Variants in MMP26 observed in about 807,000 individuals in gnomAD.
MMP26 encodes the protein matrix metallopeptidase 26.
MMP26 carries 33 observed loss-of-function variants against 31.0 expected under a neutral mutation model. The ratio of observed to expected loss-of-function variants is 1.06; its 90% confidence interval spans 0.81 to 1.42. The LOEUF is 1.42. Among genes scored for constraint, MMP26 ranks in the 40% most tolerant of loss-of-function variants. The pLI is 0.00. For missense variants in MMP26, 347 were observed against 316.1 expected, an observed-to-expected ratio of 1.10 and a Z score of -0.74; for synonymous variants, 122 against 114.9, an observed-to-expected ratio of 1.06 and a Z score of -0.40.
At chr11:4,950,996 C>T (rs986148915) in intron 2 of MMP26, among the ~76,000 whole-genome samples, 1 of 123,702 alleles carries the variant, frequency 8.1e-6, no homozygotes, top group Non-Finnish European at 1.8e-5. Context: ...TACATAAATA[C>T]CTACCCTATG....
chr11:4,822,180 C>T, intron 2 of MMP26: 1 of 1,606,338 alleles, frequency 6.2e-7, no homozygotes, highest in South Asian at 1.1e-5. Flanking sequence ...TTTCCATCTT[C>T]TACCTCCCTC....
At position 4,812,967 on chromosome 11, in the gene MMP26, A is replaced by G. The variant is rs572949610; in HGVS notation, c.-145+45626A>G. Among the ~76,000 whole-genome samples, 30 of 150,758 alleles carry G rather than the reference A, an allele frequency of 2.0e-4. No individual in the cohort carries two copies. In the South Asian group the frequency reaches 3.8e-3, roughly 19 times the overall value. On this transcript the variant is annotated intron_variant, in intron 2 of 7. Coordinates refer to ENST00000380390, the MANE Select transcript of MMP26 (RefSeq NM_021801.5). Reference sequence around the variant, plus strand: ...TCTTTTTTTTTTCCACAGATATTTTATGTATATATTTATATGTATGTATAT... The same window carrying G: ...TCTTTTTTTTTTCCACAGATATTTTGTGTATATATTTATATGTATGTATAT...
intron 2 of MMP26, among the ~76,000 whole-genome samples, chr11:4,841,100 TTGAAA>T (rs1178553237): frequency 3.9e-5 from 6 of 152,074 alleles, no homozygotes; most frequent in Non-Finnish European, 1.5e-5. Context: ...GACAGGCTAT[TTGAAA>T]ATACACAGCC....
At chr11:4,969,316 C>A (rs1433214110) in intron 2 of MMP26, among the ~76,000 whole-genome samples, 1 of 151,920 alleles carries the variant, frequency 6.6e-6, no homozygotes, top group Non-Finnish European at 1.5e-5. Context: ...TAAACTTAAA[C>A]TTATGCTTAG....
Position 4,991,996 on chromosome 11 carries a change from A to T in MMP26, c.628A>T (p.Ile210Phe). Reference protein sequence around the residue: ...YNLFLVATHEIGHSLGLQHSG... With the variant: ...YNLFLVATHEFGHSLGLQHSG... The stretch of plus-strand genomic sequence containing the variant: ...TCTGTTCCTGGTTGCAACTCATGAG[A>T]TTGGGCATTCTTTGGGCCTGCAGCA... Residue 210 changes from isoleucine to phenylalanine, a missense_variant, in exon 7 of 8, where the codon ATT becomes TTT. Coordinates refer to ENST00000380390, the MANE Select transcript of MMP26 (RefSeq NM_021801.5). The T allele has an allele frequency of 6.2e-7, 1 of 1,608,412 alleles. No individual in the cohort carries two copies. Among genetic ancestry groups the T allele is most frequent in the South Asian group, 1.1e-5 (1 of 89,726 alleles).
At chr11:4,927,586 A>T (rs1403765587) in intron 2 of MMP26, among the ~76,000 whole-genome samples, 1 of 152,002 alleles carries the variant, frequency 6.6e-6, no homozygotes, top group Non-Finnish European at 1.5e-5. Flanking sequence ...CTAGGGATCT[A>T]TGTGTTCTGA....
At chr11:4,857,134 T>C (rs1850065481) in intron 2 of MMP26, among the ~76,000 whole-genome samples, 2 of 151,742 alleles carry the variant, frequency 1.3e-5, no homozygotes, top group African/African-American at 4.8e-5. Context: ...AGATCTAAAA[T>C]CGACACCCTA....
At chr11:4,769,231 T>C (rs201795636) in intron 2 of MMP26, 270 of 1,613,696 alleles carry the variant, frequency 1.7e-4, no homozygotes, top group Admixed American at 1.8e-4. Context: ...GGGAGGCAAT[T>C]CTGAGGACAG....
At chr11:4,848,401 G>A in intron 2 of MMP26, 1 of 1,614,002 alleles carries the variant, frequency 6.2e-7, no homozygotes, top group Non-Finnish European at 8.5e-7. Context: ...AGCTCAGGAT[G>A]GTTAATCAGT....
intron 2 of MMP26, among the ~76,000 whole-genome samples, chr11:4,942,096 A>AAAAAAAAAAAAAAAAAAAAAAAAAC (rs1846218255): frequency 7.7e-6 from 1 of 129,572 alleles, no homozygotes; most frequent in Non-Finnish European, 1.7e-5. Flanking sequence ...TCTCAAAAAA[A>AAAAAAAAAAAAAAAAAAAAAAAAAC]AAAAAAAAAA....
intron 2 of MMP26, among the ~76,000 whole-genome samples, chr11:4,774,592 G>A (rs1268761080): frequency 6.6e-6 from 1 of 152,114 alleles, no homozygotes; most frequent in African/African-American, 2.4e-5. Context: ...TGTTCACTCT[G>A]ATGATAGTTT....
chr11:4,975,431 G>A (rs971611918), intron 2 of MMP26, among the ~76,000 whole-genome samples: 4 of 151,998 alleles, frequency 2.6e-5, no homozygotes, highest in African/African-American at 7.3e-5. Context: ...ATATTAATCT[G>A]AAAAGAGTGA....
intron 1 of MMP26, among the ~76,000 whole-genome samples, chr11:4,757,853 C>T (rs942583922): frequency 6.7e-6 from 1 of 150,350 alleles, no homozygotes; most frequent in Non-Finnish European, 1.5e-5. Context: ...AAAAAAAATA[C>T]CAAGTGTTGA....
At chr11:4,769,303 G>T (rs188896909) in intron 2 of MMP26, 13 of 1,612,948 alleles carry the variant, frequency 8.1e-6, no homozygotes, top group Middle Eastern at 1.7e-4. Flanking sequence ...TGGTCAGGAT[G>T]AGATCAATTA....
chr11:4,936,114 T>C lies in MMP26; in HGVS notation c.-144-51954T>C, dbSNP rs1249876077. Among the ~76,000 whole-genome samples, 457 of 148,038 alleles carry C rather than the reference T, an allele frequency of 3.1e-3. 1 individual carries two copies. Among genetic ancestry groups the C allele is most frequent in the African/African-American group, 0.011 (425 of 39,074 alleles). On this transcript the variant is annotated intron_variant, in intron 2 of 7. Coordinates refer to ENST00000380390, the MANE Select transcript of MMP26 (RefSeq NM_021801.5). ...CATAAAATGAGTTAGGGAGGATTCC[T>C]TCTTTTTCTATTGATTGGAATAGTT...
intron 1 of MMP26, among the ~76,000 whole-genome samples, chr11:4,727,850 T>C (rs919833381): frequency 1.3e-5 from 2 of 152,094 alleles, no homozygotes; most frequent in Non-Finnish European, 2.9e-5. Context: ...ATCTTCTCTC[T>C]TCAGAGTTAG....
Position 4,819,566 on chromosome 11 carries a change from ATTTTTTTT to A in MMP26, c.-145+52248_-145+52255del, listed in dbSNP as rs71050433. 2.0e-3 allele frequency among the ~76,000 whole-genome samples: 103 copies of A among 50,314 alleles called. 2 individuals carry two copies. Among genetic ancestry groups the A allele is most frequent in the African/African-American group, 8.1e-3 (92 of 11,412 alleles). 33.0% of individuals were successfully genotyped at this position (50,314 alleles called of 152,430 possible). Reference sequence around the variant, plus strand: ...GATGGTCACTGAAATGAGTCGACTGATTTTTTTTTTTTTTTTTTTTTTTTTTTTTTGAG... The same window carrying A: ...GATGGTCACTGAAATGAGTCGACTGATTTTTTTTTTTTTTTTTTTTTTGAG... On this transcript the variant is annotated intron_variant, in intron 2 of 7. Transcript: ENST00000380390.
chr11:4,712,527 A>G (rs1490338283), intron 1 of MMP26: 4 of 152,166 alleles, frequency 2.6e-5, no homozygotes, highest in East Asian at 3.8e-4. Flanking sequence ...AAGCATAAAC[A>G]TAAGTTATTT....
rs2412433 is a variant in MMP26 at position 4,781,673 on chromosome 11, G to T, written c.-145+14332G>T. 2.1e-3 allele frequency among the ~76,000 whole-genome samples: 244 copies of T among 116,186 alleles called. 6 individuals are homozygous for T. Among genetic ancestry groups the T allele is most frequent in the Admixed American group, 2.7e-3 (29 of 10,774 alleles). 76.2% of individuals were successfully genotyped at this position (116,186 alleles called of 152,430 possible). A position where few individuals can be genotyped will look rare whatever the true frequency, so the allele number is the denominator to read the frequency against. Reference sequence around the variant, plus strand: ...ATTTTAAAACCATTCTGATTATATAGTGTTGTATAAAATACCACCCTGATG... The same window carrying T: ...ATTTTAAAACCATTCTGATTATATATTGTTGTATAAAATACCACCCTGATG... On this transcript the variant is annotated intron_variant, in intron 2 of 7. Coordinates refer to ENST00000380390, the MANE Select transcript of MMP26 (RefSeq NM_021801.5).
Sources: gnomAD v4.1 joint callset for allele counts (sites outside exome capture counted in the v4.1 genomes callset) on GRCh38, gnomAD v4.1.1 for gene constraint, MANE v1.5 for transcripts, NCBI Gene and HGNC (gene_info 2026-07-23, HGNC 2026-07-21) for gene names.